The following CCDC85A variants were observed in gnomAD, a reference collection of about 807,000 sequenced individuals.
CCDC85A encodes coiled-coil domain containing 85A.
Under a neutral mutation model 50.2 loss-of-function variants are expected in CCDC85A, and 38 were observed. The ratio of observed to expected loss-of-function variants is 0.76; its 90% CI spans 0.58 to 0.99. The LOEUF is 0.99. Ranked by LOEUF, CCDC85A falls within the 50% of genes least tolerant of loss-of-function variation. The probability of loss-of-function intolerance (pLI) is 0.00; values close to 1 mark genes in which losing one functional copy is unlikely to be tolerated. For missense variants in CCDC85A, 820 were observed against 742.0 expected, an observed-to-expected ratio of 1.11 and a Z score of -1.22; for synonymous variants, 366 against 301.4, an observed-to-expected ratio of 1.21 and a Z score of -2.22.
intron 2 of CCDC85A, among the ~76,000 whole-genome samples, chr2:56,246,052 G>A (rs866603972): frequency 8.5e-5 from 13 of 152,126 alleles, no homozygotes; most frequent in African/African-American, 2.7e-4. Flanking sequence ...AGCCTCCCAA[G>A]TAGCTGGGAT....
chr2:56,184,431 C>A lies in CCDC85A; in HGVS notation c.-194C>A. 1.7e-6 allele frequency: 1 copy of A among 574,062 alleles called. No homozygotes were observed. The highest frequency in any genetic ancestry group is 2.5e-6 in the Non-Finnish European group (1 of 401,436). The allele number at this position is 574,062 out of a possible 1,614,324, so 35.6% of individuals were successfully genotyped here. ...CTGCCGGGCCCTGGGGGAGCGCGGGCGCGCGCGCGGGGATGGCGAGGTAGG... is the reference window on the plus strand; with the variant it reads ...CTGCCGGGCCCTGGGGGAGCGCGGGAGCGCGCGCGGGGATGGCGAGGTAGG... On this transcript the variant is annotated 5_prime_UTR_variant, in exon 1 of 6. Coordinates refer to ENST00000407595, the MANE Select transcript of CCDC85A (RefSeq NM_001080433.2).
intron 2 of CCDC85A, among the ~76,000 whole-genome samples, chr2:56,323,017 C>T (rs1293641164): frequency 1.3e-5 from 2 of 152,004 alleles, no homozygotes. Context: ...AACTGGAAAC[C>T]ATCATTATGA....
chr2:56,193,885 T>C (rs1041497455), intron 2 of CCDC85A, among the ~76,000 whole-genome samples: 2 of 152,198 alleles, frequency 1.3e-5, no homozygotes, highest in Non-Finnish European at 2.9e-5. Flanking sequence ...CAAGAAGATA[T>C]GAATATTTCT....
At chr2:56,351,212 A>G (rs1036995463) in intron 3 of CCDC85A, among the ~76,000 whole-genome samples, 1 of 151,902 alleles carries the variant, frequency 6.6e-6, no homozygotes, top group African/African-American at 2.4e-5. Context: ...ATAGTATTCC[A>G]CAGTGTATAT....
At chr2:56,323,233 T>A (rs965716838) in intron 2 of CCDC85A, among the ~76,000 whole-genome samples, 1 of 152,162 alleles carries the variant, frequency 6.6e-6, no homozygotes. Flanking sequence ...ACATGGCGCA[T>A]GTATACATAT....
intron 2 of CCDC85A, among the ~76,000 whole-genome samples, chr2:56,220,920 TC>T (rs2103906054): frequency 6.6e-6 from 1 of 152,144 alleles, no homozygotes; most frequent in Non-Finnish European, 1.5e-5. Context: ...CTTGATTGGC[TC>T]TTAAATGGTC....
chr2:56,225,573 T>G (rs1668508974), intron 2 of CCDC85A, among the ~76,000 whole-genome samples: 2 of 152,084 alleles, frequency 1.3e-5, no homozygotes, highest in African/African-American at 4.8e-5. Flanking sequence ...GAAATATGAG[T>G]CTTTTAACTG....
At position 56,385,090 on chromosome 2, in the gene CCDC85A, A is replaced by G. The variant is rs1676762886; in HGVS notation, c.*735A>G. ...CTTAATGAGTTTCTCATAAAGACAC[A>G]TCTTGGGGCATACCAACCTTCATAT... On this transcript the variant is annotated 3_prime_UTR_variant, in exon 6 of 6. Transcript: ENST00000407595. 4 of 151,998 alleles carry G rather than the reference A, an allele frequency of 2.6e-5. No individual in the cohort carries two copies. The highest frequency in any genetic ancestry group is 7.3e-5 in the African/African-American group (3 of 41,330). 9.4% of individuals were successfully genotyped at this position (151,998 alleles called of 1,614,324 possible). A position where few individuals can be genotyped will look rare whatever the true frequency, so the allele number is the denominator to read the frequency against.
At chr2:56,321,679 G>A (rs1320862291) in intron 2 of CCDC85A, among the ~76,000 whole-genome samples, 1 of 152,184 alleles carries the variant, frequency 6.6e-6, no homozygotes, top group Non-Finnish European at 1.5e-5. Context: ...CATGCTCGTG[G>A]ATACGAAGAA....
chr2:56,270,979 CT>C (rs1670671348), intron 2 of CCDC85A, among the ~76,000 whole-genome samples: 1 of 152,164 alleles, frequency 6.6e-6, no homozygotes, highest in Non-Finnish European at 1.5e-5. Context: ...ATCCTAACAA[CT>C]TTTGAATTAG....
At chr2:56,295,152 A>C (rs1242309517) in intron 2 of CCDC85A, among the ~76,000 whole-genome samples, 1 of 152,100 alleles carries the variant, frequency 6.6e-6, no homozygotes, top group Non-Finnish European at 1.5e-5. Flanking sequence ...AATTTTAATG[A>C]ATCAGACACC....
Position 56,372,204 on chromosome 2 carries a change from C to G in CCDC85A, c.1318-140C>G, listed in dbSNP as rs1676107084. The G allele has an allele frequency of 7.0e-6, 5 of 717,390 alleles. No homozygotes were observed. The East Asian group carries it at 1.7e-4, about 24-fold the overall frequency. The allele number at this position is 717,390 out of a possible 1,614,324, so 44.4% of individuals were successfully genotyped here. On this transcript the variant is annotated intron_variant, in intron 3 of 5. Coordinates refer to ENST00000407595, the MANE Select transcript of CCDC85A (RefSeq NM_001080433.2). ...AGATTGTTTTTATTTTTATTTTTTC[C>G]CTAGCTACAGGTGCATGTTACAGCT...
At chr2:56,336,986 G>A (rs978661295) in intron 2 of CCDC85A, among the ~76,000 whole-genome samples, 1 of 152,168 alleles carries the variant, frequency 6.6e-6, no homozygotes, top group Non-Finnish European at 1.5e-5. Context: ...AAACACAATT[G>A]TTTGAATATA....
intron 2 of CCDC85A, among the ~76,000 whole-genome samples, chr2:56,326,347 T>A (rs1051934521): frequency 1.3e-5 from 2 of 152,196 alleles, no homozygotes; most frequent in Non-Finnish European, 2.9e-5. Context: ...GCTTGATACA[T>A]AATAAATCAA....
chr2:56,358,428 C>T (rs907066224), intron 3 of CCDC85A, among the ~76,000 whole-genome samples: 1 of 152,198 alleles, frequency 6.6e-6, no homozygotes, highest in African/African-American at 2.4e-5. Context: ...GTTTAAGCAC[C>T]TAGCCTCCTT....
Position 56,184,304 on chromosome 2 carries a change from G to C in CCDC85A, c.-321G>C. ...AGGGGAACGGCGGTGCAGCTCCCCC[G>C]CTGTCCCCGAGGATTTCCCGCGGCA... On this transcript the variant is annotated 5_prime_UTR_variant, in exon 1 of 6. Coordinates refer to ENST00000407595, the MANE Select transcript of CCDC85A (RefSeq NM_001080433.2). 1 of 650,536 alleles carries C rather than the reference G, an allele frequency of 1.5e-6. No individual in the cohort carries two copies. Among genetic ancestry groups the C allele is most frequent in the Non-Finnish European group, 2.0e-6 (1 of 497,378 alleles). 40.3% of individuals were successfully genotyped at this position (650,536 alleles called of 1,614,324 possible).
At chr2:56,240,752 C>A (rs1669221846) in intron 2 of CCDC85A, among the ~76,000 whole-genome samples, 1 of 152,054 alleles carries the variant, frequency 6.6e-6, no homozygotes, top group Non-Finnish European at 1.5e-5. Flanking sequence ...AATAATAGGC[C>A]AATGCATGGA....
intron 3 of CCDC85A, among the ~76,000 whole-genome samples, chr2:56,362,857 C>T (rs747018573): frequency 6.6e-6 from 1 of 152,094 alleles, no homozygotes; most frequent in Non-Finnish European, 1.5e-5. Context: ...CTCCTGACCT[C>T]AGGTGATCTG....
At chr2:56,263,810 T>G (rs1475726683) in intron 2 of CCDC85A, among the ~76,000 whole-genome samples, 4 of 152,184 alleles carry the variant, frequency 2.6e-5, no homozygotes, top group Non-Finnish European at 4.4e-5. Flanking sequence ...TATTTCCTTT[T>G]ATCTCCTCCA....
Sources: allele counts gnomAD v4.1 joint callset (sites outside exome capture counted in the v4.1 genomes callset), GRCh38; gene constraint gnomAD v4.1.1; transcripts MANE v1.5; gene names NCBI Gene and HGNC (gene_info 2026-07-23, HGNC 2026-07-21).